Variants in VRK2 observed in about 807,000 individuals in gnomAD.
The protein encoded by VRK2 is VRK serine/threonine kinase 2.
VRK2 carries 60 observed loss-of-function variants against 57.6 expected under a neutral mutation model. The observed-to-expected ratio is 1.04, with a 90% CI of 0.85 to 1.29. The LOEUF (loss-of-function observed/expected upper bound fraction) is 1.29. VRK2 is among the 50% of genes most tolerant of loss of function. The probability of loss-of-function intolerance (pLI) is 0.00; values close to 1 mark genes in which losing one functional copy is unlikely to be tolerated. For missense variants in VRK2, 705 were observed against 588.1 expected, an observed-to-expected ratio of 1.20 and a Z score of -2.06; for synonymous variants, 231 against 199.2, an observed-to-expected ratio of 1.16 and a Z score of -1.35.
At chr2:58,027,842 C>A (rs1673980884) in intron 2 of VRK2, among the ~76,000 whole-genome samples, 1 of 152,032 alleles carries the variant, frequency 6.6e-6, no homozygotes, top group Non-Finnish European at 1.5e-5. Context: ...GGAACAAAGT[C>A]CATCCCAAAC....
At chr2:57,933,309 C>CTTTTTTTTTTTTTTTTTTTT (rs71394403) in intron 1 of VRK2, among the ~76,000 whole-genome samples, 10 of 63,302 alleles carry the variant, frequency 1.6e-4, no homozygotes, top group East Asian at 1.0e-3. Context: ...CTTTCTTTTT[C>CTTTTTTTTTTTTTTTTTTTT]TTTTTTTTTT....
intron 3 of VRK2, among the ~76,000 whole-genome samples, chr2:58,041,350 C>T (rs907865675): frequency 2.0e-5 from 3 of 152,022 alleles, no homozygotes; most frequent in Non-Finnish European, 4.4e-5. Flanking sequence ...ACTGAATGGA[C>T]CCCTCTTTTC....
intron 2 of VRK2, among the ~76,000 whole-genome samples, chr2:58,074,905 T>C (rs1005842532): frequency 1.3e-5 from 2 of 152,110 alleles, no homozygotes; most frequent in Non-Finnish European, 2.9e-5. Flanking sequence ...GTTTCTTTCC[T>C]ATTTTATTTT....
intron 1 of VRK2, among the ~76,000 whole-genome samples, chr2:57,930,791 T>C (rs1670696887): frequency 6.6e-6 from 1 of 152,178 alleles, no homozygotes; most frequent in African/African-American, 2.4e-5. Context: ...TCTATTCTTG[T>C]TTCTATGAGT....
In VRK2 at chr2:58,077,300, A is replaced by G. The variant is rs968647145; in HGVS notation, c.137-6789A>G. The stretch of plus-strand genomic sequence containing the variant: ...GAACACCCTATCAGTTCATTGAATC[A>G]TGATTTCCTCCACACAAGTCCTCGG... On this transcript the variant is annotated intron_variant, in intron 2 of 12. Transcript: ENST00000340157. 2.0e-5 allele frequency among the ~76,000 whole-genome samples: 3 copies of G among 152,036 alleles called. No homozygotes were observed. In the East Asian group the frequency reaches 5.8e-4, roughly 29 times the overall value.
chr2:57,977,818 A>G lies in VRK2; in HGVS notation c.-438-47847A>G, dbSNP rs540522887. On this transcript the variant is annotated intron_variant, in intron 1 of 15. Transcript: ENST00000417641. ...TCTGGTTTTCAGGTGGAATGATTCC[A>G]GCTTCTGCTCGTTCAGTATGTTGCT... 1.7e-4 allele frequency among the ~76,000 whole-genome samples: 25 copies of G among 151,302 alleles called. 3 individuals are homozygous for G. Among genetic ancestry groups the G allele is most frequent in the African/African-American group, 6.1e-4 (25 of 40,654 alleles).
intron 1 of VRK2, among the ~76,000 whole-genome samples, chr2:57,922,046 A>C (rs1048491310): frequency 6.6e-6 from 1 of 152,076 alleles, no homozygotes; most frequent in Admixed American, 6.6e-5. Context: ...TCAATACCTC[A>C]TCTGAATTTC....
intron 1 of VRK2, among the ~76,000 whole-genome samples, chr2:57,930,868 T>G (rs1175952594): frequency 6.6e-6 from 1 of 152,200 alleles, no homozygotes; most frequent in Non-Finnish European, 1.5e-5. Context: ...TCTGGCTTAT[T>G]TCACTTAATA....
rs1440759470 is a variant in VRK2 at position 58,084,932 on chromosome 2, G to T, written c.238G>T (p.Val80Phe). Residue 80 changes from valine to phenylalanine, a missense_variant, in exon 4 of 13, where the codon GTT becomes TTT. Physicochemically the swap from Val to Phe is conservative, Grantham distance 50. Coordinates refer to ENST00000340157, the MANE Select transcript of VRK2 (RefSeq NM_006296.7). ...TTCAGAACTTAAATTTTATCAGAGAGTTGCAAAAAAAGACTGTAGTAAGTA... is the reference window on the plus strand; with the variant it reads ...TTCAGAACTTAAATTTTATCAGAGATTTGCAAAAAAAGACTGTAGTAAGTA... ...LFSELKFYQR[V>F]AKKDCIKKWI... 1.3e-6 allele frequency: 2 copies of T among 1,586,656 alleles called. No homozygotes were observed. Among genetic ancestry groups the T allele is most frequent in the South Asian group, 2.3e-5 (2 of 85,614 alleles).
At chr2:58,016,197 T>C (rs28583109) in intron 1 of VRK2, among the ~76,000 whole-genome samples, 51,568 of 151,186 alleles carry the variant, frequency 0.34, 10,275 homozygotes, top group East Asian at 0.54. Flanking sequence ...TACAGTTTTG[T>C]TATAAGGATA....
Position 58,013,458 on chromosome 2 carries a change from G to A in VRK2, c.-438-12207G>A, listed in dbSNP as rs372939100. On this transcript the variant is annotated intron_variant, in intron 1 of 15. Coordinates refer to the VRK2 transcript ENST00000417641. Reference sequence around the variant, plus strand: ...GCTCTATCAGTGGTAACTTTGTAAAGAACTTAATTTTTTGGTTATCTGAAA... The same window carrying A: ...GCTCTATCAGTGGTAACTTTGTAAAAAACTTAATTTTTTGGTTATCTGAAA... 3.9e-5 allele frequency among the ~76,000 whole-genome samples: 6 copies of A among 152,294 alleles called. No individual in the cohort carries two copies. In the South Asian group the frequency reaches 1.2e-3, roughly 32 times the overall value.
At chr2:58,034,374 G>A (rs893323084) in intron 3 of VRK2, among the ~76,000 whole-genome samples, 1 of 151,814 alleles carries the variant, frequency 6.6e-6, no homozygotes, top group Non-Finnish European at 1.5e-5. Context: ...GCCCGCTACC[G>A]ATTCCTCATC....
At chr2:58,025,031 C>T (rs1233181115) in intron 1 of VRK2, among the ~76,000 whole-genome samples, 1 of 152,110 alleles carries the variant, frequency 6.6e-6, no homozygotes, top group Non-Finnish European at 1.5e-5. Context: ...GCAAAGTACG[C>T]TTCATATGGT....
chr2:57,912,142 A>T (rs1670003929), intron 1 of VRK2, among the ~76,000 whole-genome samples: 1 of 152,232 alleles, frequency 6.6e-6, no homozygotes, highest in East Asian at 1.9e-4. Context: ...TCAAATTTTC[A>T]GCTAGATTCT....
intron 12 of VRK2, among the ~76,000 whole-genome samples, chr2:58,151,746 T>C (rs1384300228): frequency 9.0e-6 from 1 of 110,602 alleles, no homozygotes; most frequent in African/African-American, 4.0e-5. Context: ...TTTTTTTTTT[T>C]TTTTTTTTTT....
intron 12 of VRK2, among the ~76,000 whole-genome samples, chr2:58,150,291 T>C (rs1388199722): frequency 6.6e-6 from 1 of 151,464 alleles, no homozygotes; most frequent in East Asian, 1.9e-4. Flanking sequence ...TTCTATAATA[T>C]ATAGAGTGAT....
intron 1 of VRK2, among the ~76,000 whole-genome samples, chr2:58,014,408 G>A (rs1254248453): frequency 6.6e-6 from 1 of 152,086 alleles, no homozygotes; most frequent in African/African-American, 2.4e-5. Context: ...CAAGATATGG[G>A]GAAAAGATAT....
chr2:58,091,608 TTAA>T (rs1382607734), intron 7 of VRK2, among the ~76,000 whole-genome samples: 1 of 151,958 alleles, frequency 6.6e-6, no homozygotes, highest in Non-Finnish European at 1.5e-5. Context: ...GTTAAATTTC[TTAA>T]TAAAAATTTT....
chr2:58,155,563 A>C (rs533664077), intron 12 of VRK2, among the ~76,000 whole-genome samples: 1 of 152,018 alleles, frequency 6.6e-6, no homozygotes, highest in Non-Finnish European at 1.5e-5. Context: ...TCTATCTCAC[A>C]ATTTCCCTAA....
Sources: gnomAD v4.1 joint callset for allele counts (sites outside exome capture counted in the v4.1 genomes callset) on GRCh38, gnomAD v4.1.1 for gene constraint, MANE v1.5 for transcripts, NCBI Gene and HGNC (gene_info 2026-07-23, HGNC 2026-07-21) for gene names.